CCND3: variants seen among roughly 807,000 people sequenced by gnomAD.
CCND3 encodes G1/S-specific cyclin-D3.
In CCND3, 9 loss-of-function variants were observed where a neutral mutation model predicts 28.7. The observed-to-expected ratio is 0.31, with a 90% CI of 0.19 to 0.55. The LOEUF is 0.55. CCND3 is among the 20% of genes least tolerant of loss of function. CCND3 has a pLI of 0.93. For missense variants in CCND3, 315 were observed against 385.8 expected (o/e 0.82, Z 1.54); for synonymous variants, 164 against 163.9 (o/e 1.00, Z 0.00).
Position 41,941,219 on chromosome 6 carries a change from A to G in CCND3, c.198+233T>C, listed in dbSNP as rs1441189670. On this transcript the variant is annotated intron_variant, in intron 1 of 4. Coordinates refer to ENST00000372991, the MANE Select transcript of CCND3 (RefSeq NM_001760.5). The surrounding 1 kb of genome is among the most constrained non-coding windows in gnomAD (Gnocchi z 6.1). ...GGTCCCGTTTGCTCGGCCCGAAGAG[A>G]GGCACAGTTAGGGTGCCAAGTGACT... 7.0e-7 allele frequency: 1 copy of G among 1,434,516 alleles called. No homozygotes were observed. The highest frequency in any genetic ancestry group is 1.4e-5 in the African/African-American group (1 of 69,526). The allele number at this position is 1,434,516 out of a possible 1,614,324, so 88.9% of individuals were successfully genotyped here. A position where few individuals can be genotyped will look rare whatever the true frequency, so the allele number is the denominator to read the frequency against.
intron 1 of CCND3, among the ~76,000 whole-genome samples, chr6:42,037,240 G>A (rs1371906270): frequency 6.0e-5 from 8 of 132,780 alleles, no homozygotes; most frequent in Admixed American, 3.1e-4. Flanking sequence ...GTGCCCGGCC[G>A]TTTTGTTTTT....
chr6:41,996,169 C>A (rs959456948), intron 1 of CCND3, among the ~76,000 whole-genome samples: 2 of 144,406 alleles, frequency 1.4e-5, no homozygotes, highest in African/African-American at 2.6e-5. Flanking sequence ...GTTTGTTTGA[C>A]ATGGACTTTC....
At chr6:41,937,184 A>T in intron 3 of CCND3, 51 bp downstream of exon 3, 1 of 1,593,860 alleles carries the variant, frequency 6.3e-7, no homozygotes, top group Non-Finnish European at 8.6e-7. Flanking sequence ...TCTCACCCTT[A>T]TAAGTCTTCT....
intron 1 of CCND3, among the ~76,000 whole-genome samples, chr6:42,006,869 C>T (rs1373221980): frequency 3.3e-5 from 5 of 151,126 alleles, no homozygotes; most frequent in Admixed American, 2.6e-4. Context: ...GATCGCTCCA[C>T]TGCACTCCAG....
chr6:41,958,549 T>C (rs1776495454), intron 1 of CCND3, among the ~76,000 whole-genome samples: 1 of 152,186 alleles, frequency 6.6e-6, no homozygotes, highest in Non-Finnish European at 1.5e-5. Context: ...TCTTTTCTCT[T>C]AAAGAGAATA....
chr6:42,003,193 T>C (rs1471828725), intron 1 of CCND3, among the ~76,000 whole-genome samples: 2 of 127,724 alleles, frequency 1.6e-5, no homozygotes, highest in Non-Finnish European at 3.2e-5. Context: ...TATTCAAAAT[T>C]GATAAACCAA....
At chr6:41,992,717 G>A (rs549094060) in intron 1 of CCND3, among the ~76,000 whole-genome samples, 2 of 152,220 alleles carry the variant, frequency 1.3e-5, no homozygotes, top group African/African-American at 4.8e-5. Flanking sequence ...AAAGTGCTGG[G>A]ATTACAGGTG....
chr6:41,983,277 C>T (rs1464802079), intron 1 of CCND3, among the ~76,000 whole-genome samples: 1 of 150,658 alleles, frequency 6.6e-6, no homozygotes, highest in Non-Finnish European at 1.5e-5. Flanking sequence ...ACTCGGGAGG[C>T]TGAGGTAGGA....
intron 1 of CCND3, among the ~76,000 whole-genome samples, chr6:41,957,885 A>G (rs1268530373): frequency 6.6e-6 from 1 of 151,674 alleles, no homozygotes; most frequent in Non-Finnish European, 1.5e-5. Flanking sequence ...GATGGGGTCT[A>G]TGTTGTCCAA....
chr6:42,029,406 C>T (rs1235100473), intron 1 of CCND3, among the ~76,000 whole-genome samples: 1 of 152,050 alleles, frequency 6.6e-6, no homozygotes, highest in Admixed American at 6.6e-5. Context: ...GAAGGGGACA[C>T]CTGTCCAGTA....
At chr6:41,947,015 C>G (rs1336578803) in intron 1 of CCND3, among the ~76,000 whole-genome samples, 3 of 151,898 alleles carry the variant, frequency 2.0e-5, no homozygotes, top group Non-Finnish European at 4.4e-5. Context: ...GTCAGGAGAT[C>G]GAGACCAGCC....
At chr6:41,966,523 G>A (rs993412065) in intron 1 of CCND3, among the ~76,000 whole-genome samples, 1 of 152,088 alleles carries the variant, frequency 6.6e-6, no homozygotes, top group Non-Finnish European at 1.5e-5. Context: ...AGGTGATTCC[G>A]AAACACATCC....
chr6:41,991,825 C>A (rs1324370240), intron 1 of CCND3, among the ~76,000 whole-genome samples: 1 of 152,146 alleles, frequency 6.6e-6, no homozygotes, highest in African/African-American at 2.4e-5. Flanking sequence ...AAAGCTTCCA[C>A]GTGTGAGTGA....
intron 1 of CCND3, among the ~76,000 whole-genome samples, chr6:42,031,813 CTTTTT>C (rs35518846): frequency 1.6e-5 from 2 of 128,906 alleles, no homozygotes. Context: ...GCAACTGACT[CTTTTT>C]TTTTTTTTTT....
chr6:42,020,050 G>A (rs9394849), intron 1 of CCND3, among the ~76,000 whole-genome samples: 27,921 of 152,050 alleles, frequency 0.18, 2,868 homozygotes, highest in Non-Finnish European at 0.21. Context: ...AGGCCGAGGC[G>A]GGCGGATCAC....
chr6:42,009,369 T>C (rs1261954923), intron 1 of CCND3, among the ~76,000 whole-genome samples: 1 of 152,150 alleles, frequency 6.6e-6, no homozygotes, highest in Non-Finnish European at 1.5e-5. Flanking sequence ...CCCAGGGCTT[T>C]GGGAGGCCGA....
intron 1 of CCND3, among the ~76,000 whole-genome samples, chr6:41,965,721 C>T (rs34221531): frequency 0.1 from 15,366 of 152,192 alleles, 815 homozygotes; most frequent in African/African-American, 0.11. Context: ...TCCCTCAGCT[C>T]ACAAAGTATC....
intron 1 of CCND3, among the ~76,000 whole-genome samples, chr6:41,968,668 C>A (rs976659856): frequency 3.9e-5 from 6 of 152,178 alleles, no homozygotes; most frequent in African/African-American, 1.4e-4. Context: ...TGTTACCTTT[C>A]TGGATTTTGA....
At chr6:41,981,292 G>A (rs1055655465) in intron 1 of CCND3, among the ~76,000 whole-genome samples, 34 of 151,930 alleles carry the variant, frequency 2.2e-4, no homozygotes, top group African/African-American at 8.0e-4. Flanking sequence ...TGCAACCTCC[G>A]CCTCCCCAGT....
Sources: allele counts gnomAD v4.1 joint callset (sites outside exome capture counted in the v4.1 genomes callset), GRCh38; gene constraint gnomAD v4.1.1; non-coding constraint Gnocchi (gnomAD v3.1); transcripts MANE v1.5; gene names NCBI Gene and HGNC (gene_info 2026-07-23, HGNC 2026-07-21).